PALM2AKAP2: variants seen among roughly 807,000 people sequenced by gnomAD.
The protein encoded by PALM2AKAP2 is PALM2-AKAP2 fusion protein.
In PALM2AKAP2, 37 loss-of-function variants were observed where a neutral mutation model predicts 71.5. The ratio of observed to expected loss-of-function variants is 0.52; its 90% CI spans 0.40 to 0.68. PALM2AKAP2 has a LOEUF of 0.68. Ranked by LOEUF, PALM2AKAP2 falls within the 30% of genes least tolerant of loss-of-function variation. The pLI is 0.00. For missense variants in PALM2AKAP2, 1,224 were observed against 1,191.8 expected, an observed-to-expected ratio of 1.03 and a Z score of -0.40; for synonymous variants, 468 against 478.8, an observed-to-expected ratio of 0.98 and a Z score of 0.29.
intron 1 of PALM2AKAP2, among the ~76,000 whole-genome samples, chr9:110,082,740 T>C (rs564823705): frequency 1.3e-5 from 2 of 152,346 alleles, no homozygotes; most frequent in East Asian, 3.9e-4. Context: ...CATGTTAAGG[T>C]ATACAGTTCA....
At chr9:109,666,324 G>A (rs1827485043) in intron 1 of PALM2AKAP2, among the ~76,000 whole-genome samples, 1 of 152,154 alleles carries the variant, frequency 6.6e-6, no homozygotes, top group Admixed American at 6.5e-5. Flanking sequence ...ATCTTGGAAA[G>A]CCCTCACAAA....
At chr9:110,059,197 G>A (rs1181226116) in intron 1 of PALM2AKAP2, among the ~76,000 whole-genome samples, 2 of 152,188 alleles carry the variant, frequency 1.3e-5, no homozygotes, top group African/African-American at 2.4e-5. Context: ...ACCGCGCCCA[G>A]CCGATGGAAA....
intron 1 of PALM2AKAP2, among the ~76,000 whole-genome samples, chr9:109,676,590 AT>A (rs1451359289): frequency 6.6e-6 from 1 of 152,200 alleles, no homozygotes; most frequent in African/African-American, 2.4e-5. Context: ...TGGAAGTGAT[AT>A]GGATTTGGAA....
intron 1 of PALM2AKAP2, among the ~76,000 whole-genome samples, chr9:109,737,836 A>G (rs971513024): frequency 7.2e-5 from 11 of 152,256 alleles, no homozygotes; most frequent in Non-Finnish European, 1.6e-4. Context: ...TAATCTTAAA[A>G]TGGGCAGTTG....
At chr9:109,640,955 C>T in intron 1 of PALM2AKAP2, 1 of 1,430,652 alleles carries the variant, frequency 7.0e-7, no homozygotes, top group Non-Finnish European at 9.1e-7. Flanking sequence ...CGCTCGGGTC[C>T]GCGTCCAGGA....
chr9:109,708,476 T>A (rs1828177197), intron 1 of PALM2AKAP2, among the ~76,000 whole-genome samples: 2 of 152,230 alleles, frequency 1.3e-5, no homozygotes, highest in African/African-American at 2.4e-5. Flanking sequence ...TGGCAAAATC[T>A]ATTGGAATGT....
At chr9:109,725,842 A>C (rs1828468374) in intron 1 of PALM2AKAP2, among the ~76,000 whole-genome samples, 1 of 152,258 alleles carries the variant, frequency 6.6e-6, no homozygotes, top group African/African-American at 2.4e-5. Context: ...AAAGTAGCAA[A>C]ATGGAATGTC....
intron 1 of PALM2AKAP2, among the ~76,000 whole-genome samples, chr9:109,655,439 G>A (rs906652788): frequency 1.3e-5 from 2 of 152,054 alleles, no homozygotes; most frequent in African/African-American, 4.8e-5. Flanking sequence ...TTGTGTGTGT[G>A]GTAAAATATA....
At chr9:109,759,130 G>C (rs995262505) in intron 1 of PALM2AKAP2, among the ~76,000 whole-genome samples, 1 of 152,052 alleles carries the variant, frequency 6.6e-6, no homozygotes, top group African/African-American at 2.4e-5. Context: ...TTGAGAGCCA[G>C]TGTATTTTCT....
intron 1 of PALM2AKAP2, among the ~76,000 whole-genome samples, chr9:110,053,660 G>T (rs1381646666): frequency 6.6e-6 from 1 of 152,198 alleles, no homozygotes; most frequent in Non-Finnish European, 1.5e-5. Flanking sequence ...ACTGGAGAAG[G>T]TGCCCTGTGG....
intron 2 of PALM2AKAP2, among the ~76,000 whole-genome samples, chr9:110,142,918 G>A (rs561118631): frequency 6.6e-6 from 1 of 152,328 alleles, no homozygotes; most frequent in Admixed American, 6.5e-5. Flanking sequence ...ACAACCCCAA[G>A]CTGTCCTGCC....
chr9:109,682,042 G>A (rs1827743688), intron 1 of PALM2AKAP2, among the ~76,000 whole-genome samples: 1 of 152,114 alleles, frequency 6.6e-6, no homozygotes, highest in African/African-American at 2.4e-5. Context: ...GTGGTTCCTG[G>A]TAATTTTTCC....
At chr9:109,892,215 C>T (rs901193030) in intron 3 of PALM2AKAP2, among the ~76,000 whole-genome samples, 2 of 152,180 alleles carry the variant, frequency 1.3e-5, no homozygotes, top group African/African-American at 2.4e-5. Context: ...TTCCTTGCCT[C>T]TCTCAGCTTA....
intron 1 of PALM2AKAP2, among the ~76,000 whole-genome samples, chr9:109,844,958 TGCATGTGCACACAC>T (rs1828814056): frequency 6.7e-6 from 1 of 148,804 alleles, no homozygotes; most frequent in African/African-American, 2.6e-5. Flanking sequence ...TGTGTGTGTG[TGCATGTGCACACAC>T]GCATGCACGC....
intron 2 of PALM2AKAP2, among the ~76,000 whole-genome samples, chr9:110,147,040 C>T (rs963171488): frequency 4.6e-5 from 7 of 151,984 alleles, no homozygotes; most frequent in African/African-American, 1.7e-4. Flanking sequence ...CACTTGAGGT[C>T]AGGAGTTCGA....
chr9:109,984,653 T>C (rs993696008), intron 6 of PALM2AKAP2, among the ~76,000 whole-genome samples: 4 of 151,836 alleles, frequency 2.6e-5, no homozygotes, highest in African/African-American at 4.8e-5. Flanking sequence ...GGCTAGGAGT[T>C]TGAGACCAGC....
intron 1 of PALM2AKAP2, among the ~76,000 whole-genome samples, chr9:109,674,880 T>A (rs57231732): frequency 0.082 from 12,523 of 152,058 alleles, 583 homozygotes; most frequent in African/African-American, 0.096. Flanking sequence ...GACTTATAAT[T>A]TTTTTTACTT....
chr9:109,992,678 A>G (rs1554733945), intron 6 of PALM2AKAP2, among the ~76,000 whole-genome samples: 2 of 152,170 alleles, frequency 1.3e-5, no homozygotes. Context: ...GGAAGTGTGC[A>G]AATGTAATCA....
chr9:109,679,005 C>A (rs991826567), intron 1 of PALM2AKAP2, among the ~76,000 whole-genome samples: 1 of 152,232 alleles, frequency 6.6e-6, no homozygotes, highest in East Asian at 1.9e-4. Context: ...CCCTGGTAGA[C>A]CCTTGTCTTT....
Sources: gnomAD v4.1 joint callset for allele counts (sites outside exome capture counted in the v4.1 genomes callset) on GRCh38, gnomAD v4.1.1 for gene constraint, MANE v1.5 for transcripts, NCBI Gene and HGNC (gene_info 2026-07-23, HGNC 2026-07-21) for gene names.